C10orf67: variants seen among roughly 807,000 people sequenced by gnomAD.
C10orf67 encodes chromosome 10 open reading frame 67.
Under a neutral mutation model 35.6 loss-of-function variants are expected in C10orf67, and 60 were observed. The observed-to-expected ratio is 1.68, with a 90% CI of 1.37 to 2.09. The LOEUF (loss-of-function observed/expected upper bound fraction) is 2.09, where lower values mean the gene tolerates loss of function less well. Ranked by LOEUF, C10orf67 falls within the 30% of genes most tolerant of loss-of-function variation. C10orf67 has a pLI of 0.00. For missense variants in C10orf67, 474 were observed against 330.2 expected (o/e 1.44, Z -3.38); for synonymous variants, 167 against 115.8 (o/e 1.44, Z -2.84).
chr10:23,312,365 A>G (rs1754804165), intron 4 of C10orf67, among the ~76,000 whole-genome samples: 1 of 152,198 alleles, frequency 6.6e-6, no homozygotes, highest in South Asian at 2.1e-4. Context: ...GGAAGCCCCT[A>G]CCAGCTGACT....
intron 7 of C10orf67, among the ~76,000 whole-genome samples, chr10:23,283,119 T>C (rs937717019): frequency 2.6e-5 from 4 of 152,198 alleles, no homozygotes; most frequent in Admixed American, 6.5e-5. Context: ...ATACCCCACT[T>C]ACCCTCATGT....
chr10:23,288,291 A>G (rs1045057642), intron 7 of C10orf67, among the ~76,000 whole-genome samples: 1 of 152,232 alleles, frequency 6.6e-6, no homozygotes, highest in African/African-American at 2.4e-5. Context: ...ATGCAGCCAT[A>G]AAAAGGAATG....
chr10:23,286,166 A>G (rs968563008), intron 7 of C10orf67, among the ~76,000 whole-genome samples: 1 of 151,444 alleles, frequency 6.6e-6, no homozygotes. Flanking sequence ...ACGAGGTGGG[A>G]GCATCACTTG....
chr10:23,305,576 C>G (rs1015483365), intron 4 of C10orf67, among the ~76,000 whole-genome samples: 1 of 152,114 alleles, frequency 6.6e-6, no homozygotes, highest in African/African-American at 2.4e-5. Flanking sequence ...GAAACATCGC[C>G]AATCATCAGG....
intron 7 of C10orf67, among the ~76,000 whole-genome samples, chr10:23,284,205 C>T (rs1198324340): frequency 1.3e-5 from 2 of 151,876 alleles, no homozygotes; most frequent in East Asian, 1.9e-4. Context: ...TGCTTACACC[C>T]CCTTCCCCAC....
intron 4 of C10orf67, chr10:23,317,771 C>G (rs1844785186): frequency 6.6e-6 from 1 of 151,934 alleles, no homozygotes; most frequent in Non-Finnish European, 1.5e-5. Flanking sequence ...CCCTCCTTCC[C>G]TCTTTCTCTT....
intron 15 of C10orf67, among the ~76,000 whole-genome samples, chr10:23,205,664 G>A (rs1841138672): frequency 6.6e-6 from 1 of 152,022 alleles, no homozygotes; most frequent in Non-Finnish European, 1.5e-5. Context: ...TGAACAATCT[G>A]GGAAAGATAA....
chr10:23,241,498 T>G (rs1842175343), intron 12 of C10orf67, among the ~76,000 whole-genome samples: 1 of 152,202 alleles, frequency 6.6e-6, no homozygotes, highest in South Asian at 2.1e-4. Flanking sequence ...GCCAGAAGGT[T>G]GACTGTAGTA....
At chr10:23,257,348 C>A (rs752098479) in intron 10 of C10orf67, among the ~76,000 whole-genome samples, 5 of 152,146 alleles carry the variant, frequency 3.3e-5, no homozygotes, top group Admixed American at 6.5e-5. Context: ...GAGCACCAAG[C>A]AATAGCAGTG....
intron 10 of C10orf67, chr10:23,258,390 AT>A: frequency 5.9e-6 from 1 of 170,480 alleles, no homozygotes; most frequent in South Asian, 1.7e-4. Flanking sequence ...GCACCTTTCT[AT>A]TATCATAGGC....
chr10:23,300,947 A>G (rs1353810104), intron 5 of C10orf67, among the ~76,000 whole-genome samples: 1 of 152,232 alleles, frequency 6.6e-6, no homozygotes, highest in East Asian at 1.9e-4. Flanking sequence ...GTAACATTGT[A>G]TCTGTCCATG....
At chr10:23,226,629 CA>C (rs1320043696) in intron 13 of C10orf67, among the ~76,000 whole-genome samples, 3 of 151,874 alleles carry the variant, frequency 2.0e-5, no homozygotes, top group African/African-American at 7.3e-5. Flanking sequence ...AAAAACCCTT[CA>C]AAAAATCAAT....
At chr10:23,328,059 G>A (rs866016088) in intron 2 of C10orf67, among the ~76,000 whole-genome samples, 4 of 152,094 alleles carry the variant, frequency 2.6e-5, no homozygotes, top group Middle Eastern at 3.4e-3. Flanking sequence ...TGAAAAATTC[G>A]AGTATTTAAA....
intron 4 of C10orf67, among the ~76,000 whole-genome samples, chr10:23,319,161 T>A (rs1301761950): frequency 6.6e-6 from 1 of 152,140 alleles, no homozygotes; most frequent in Non-Finnish European, 1.5e-5. Flanking sequence ...CCTCCCACCC[T>A]CCACCCTCAA....
At chr10:23,216,736 C>T (rs1159665964) in intron 15 of C10orf67, among the ~76,000 whole-genome samples, 1 of 152,078 alleles carries the variant, frequency 6.6e-6, no homozygotes, top group Non-Finnish European at 1.5e-5. Context: ...ATACTTCCAC[C>T]ATCATGGATA....
intron 5 of C10orf67, among the ~76,000 whole-genome samples, chr10:23,292,007 A>G (rs958744882): frequency 2.6e-5 from 4 of 152,170 alleles, no homozygotes; most frequent in African/African-American, 4.8e-5. Context: ...AGGTTTCAGG[A>G]TAACTTACAA....
chr10:23,242,705 A>T (rs1842214918), intron 12 of C10orf67, among the ~76,000 whole-genome samples: 1 of 152,124 alleles, frequency 6.6e-6, no homozygotes, highest in Admixed American at 6.5e-5. Context: ...ACACTGCAAT[A>T]AGCTAAGAAT....
chr10:23,281,525 G>A (rs1843365607), intron 8 of C10orf67, among the ~76,000 whole-genome samples: 1 of 152,102 alleles, frequency 6.6e-6, no homozygotes, highest in Admixed American at 6.5e-5. Flanking sequence ...GCGGGGCTGG[G>A]GGCTGGGGGC....
intron 13 of C10orf67, among the ~76,000 whole-genome samples, chr10:23,235,902 G>C (rs903113483): frequency 3.3e-5 from 5 of 152,122 alleles, no homozygotes; most frequent in Non-Finnish European, 5.9e-5. Flanking sequence ...GGATCACGAG[G>C]TCAGGAGTTC....
Sources: gnomAD v4.1 joint callset for allele counts (sites outside exome capture counted in the v4.1 genomes callset) on GRCh38, gnomAD v4.1.1 for gene constraint, MANE v1.5 for transcripts, NCBI Gene and HGNC (gene_info 2026-07-23, HGNC 2026-07-21) for gene names.